Variants in XKR9 observed in about 807,000 individuals in gnomAD.
XKR9 encodes XK-related protein 9.
XKR9 carries 32 observed loss-of-function variants against 32.0 expected under a neutral mutation model. That is an observed-to-expected ratio of 1.00 (90% CI 0.76 to 1.34). The LOEUF is 1.34. XKR9 is among the 40% of genes most tolerant of loss of function. XKR9 has a pLI of 0.00. For missense variants in XKR9, 546 were observed against 429.7 expected (o/e 1.27, Z -2.39); for synonymous variants, 168 against 143.4 (o/e 1.17, Z -1.22).
the XKR9 span, among the ~76,000 whole-genome samples, chr8:70,846,141 G>T: frequency 9.9e-5 from 15 of 152,058 alleles, 1 homozygote; most frequent in South Asian, 2.5e-3. Context: ...AGAATAAGAT[G>T]ATATATTCAA....
chr8:71,005,860 A>G, the XKR9 span, among the ~76,000 whole-genome samples: 1 of 152,216 alleles, frequency 6.6e-6, no homozygotes, highest in Non-Finnish European at 1.5e-5. Flanking sequence ...CATTCTTGCT[A>G]ACTTCCAGAT....
chr8:71,019,241 G>A, the XKR9 span, among the ~76,000 whole-genome samples: 1 of 152,190 alleles, frequency 6.6e-6, no homozygotes, highest in South Asian at 2.1e-4. Context: ...GAAACTTGAG[G>A]TCTGTAGAAT....
chr8:70,855,449 C>T, the XKR9 span, among the ~76,000 whole-genome samples: 1 of 152,230 alleles, frequency 6.6e-6, no homozygotes, highest in East Asian at 1.9e-4. Context: ...AAGAAATGAA[C>T]AAAGCCTCCA....
chr8:71,031,409 ATTACT>A, the XKR9 span, among the ~76,000 whole-genome samples: 3 of 152,168 alleles, frequency 2.0e-5, no homozygotes, highest in African/African-American at 7.2e-5. Context: ...TTAATGATTC[ATTACT>A]TTACTGGGTT....
At chr8:71,030,370 G>A in the XKR9 span, among the ~76,000 whole-genome samples, 1 of 152,110 alleles carries the variant, frequency 6.6e-6, no homozygotes, top group Non-Finnish European at 1.5e-5. Flanking sequence ...CACTCTGGGA[G>A]CTGAGTAGGG....
chr8:71,016,628 CA>C, the XKR9 span, among the ~76,000 whole-genome samples: 30 of 152,342 alleles, frequency 2.0e-4, no homozygotes, highest in Admixed American at 2.0e-3. Flanking sequence ...TCCAGTTTGA[CA>C]CAAAACACAG....
intron 2 of XKR9, among the ~76,000 whole-genome samples, chr8:70,767,867 A>T (rs1807400110): frequency 6.6e-6 from 1 of 152,004 alleles, no homozygotes; most frequent in African/African-American, 2.4e-5. Flanking sequence ...AATCTTTTCA[A>T]AAATCCAGCT....
Position 70,735,925 on chromosome 8 carries a change from C to T in XKR9, c.*1501C>T, listed in dbSNP as rs1055875565. The T allele has an allele frequency of 2.0e-5, 3 of 151,776 alleles. No individual in the cohort carries two copies. The highest frequency in any genetic ancestry group is 2.1e-4 in the South Asian group (1 of 4,810). 9.4% of individuals were successfully genotyped at this position (151,776 alleles called of 1,614,324 possible). A position where few individuals can be genotyped will look rare whatever the true frequency, so the allele number is the denominator to read the frequency against. On this transcript the variant is annotated 3_prime_UTR_variant, in exon 5 of 5. Coordinates refer to ENST00000408926, the MANE Select transcript of XKR9 (RefSeq NM_001011720.2). ...TGTGAATAGTGCTGCAATAAACATA[C>T]GTGTGCATGTGTCTTTATAGCAGCA...
At chr8:70,918,768 C>CCTTTTT in the XKR9 span, among the ~76,000 whole-genome samples, 1 of 64,138 alleles carries the variant, frequency 1.6e-5, no homozygotes, top group Non-Finnish European at 3.0e-5. Context: ...TCATGGGATC[C>CCTTTTT]TTTTTTTTTT....
At chr8:71,034,327 A>G in the XKR9 span, among the ~76,000 whole-genome samples, 1 of 151,528 alleles carries the variant, frequency 6.6e-6, no homozygotes, top group Admixed American at 6.6e-5. Flanking sequence ...TCTCTCTCCT[A>G]CCCCCATGTA....
In XKR9 at chr8:70,681,195, G is replaced by C. The variant is rs1819068432; in HGVS notation, c.137G>C (p.Ser46Thr). ...GQYVFSALAL[S>T]FMLFGTLVAQ... ...TATGTTTTTAGTGCTTTAGCGTTAA[G>C]CTTTATGCTTTTTGGAACACTTGTG... The change falls in exon 3 of 5, where the codon AGC becomes ACC. Residue 46 changes from serine to threonine, a missense_variant. By Grantham distance (58) the Ser-to-Thr change is moderately conservative. Coordinates refer to ENST00000408926, the MANE Select transcript of XKR9 (RefSeq NM_001011720.2). 6.2e-7 allele frequency: 1 copy of C among 1,613,518 alleles called. No individual in the cohort carries two copies. The highest frequency in any genetic ancestry group is 1.7e-5 in the Admixed American group (1 of 59,990).
At chr8:70,811,187 A>C in the XKR9 span, among the ~76,000 whole-genome samples, 1 of 152,152 alleles carries the variant, frequency 6.6e-6, no homozygotes, top group Non-Finnish European at 1.5e-5. Flanking sequence ...CTCCTGAATG[A>C]CTACTGGGTA....
Position 70,694,545 on chromosome 8 carries a change from C to T in XKR9, c.273-12388C>T, listed in dbSNP as rs138586800. Among the ~76,000 whole-genome samples, 25 of 152,274 alleles carry T rather than the reference C, an allele frequency of 1.6e-4. No homozygotes were observed. In the East Asian group the frequency reaches 4.8e-3, roughly 29 times the overall value. On this transcript the variant is annotated intron_variant, in intron 3 of 4. Coordinates refer to ENST00000408926, the MANE Select transcript of XKR9 (RefSeq NM_001011720.2). ...GCAGTCTGGCCATGTTTTGATAGAG[C>T]GGCTGTGCTATGCTGTGGGAATCCC...
At chr8:70,773,683 C>T (rs911206351) in intron 2 of XKR9, among the ~76,000 whole-genome samples, 1 of 152,116 alleles carries the variant, frequency 6.6e-6, no homozygotes, top group Non-Finnish European at 1.5e-5. Flanking sequence ...GGGAAGTGTT[C>T]AGGGTCAAAA....
chr8:70,921,080 T>TAA, the XKR9 span, among the ~76,000 whole-genome samples: 3 of 152,300 alleles, frequency 2.0e-5, no homozygotes, highest in Admixed American at 2.0e-4. Flanking sequence ...GTTCCATACT[T>TAA]AATAAATGCA....
At chr8:71,050,215 G>C in the XKR9 span, among the ~76,000 whole-genome samples, 1 of 141,486 alleles carries the variant, frequency 7.1e-6, no homozygotes, top group Non-Finnish European at 1.5e-5. Flanking sequence ...TTTATATTTT[G>C]AAGTACTTAT....
At chr8:70,996,042 GA>G in the XKR9 span, among the ~76,000 whole-genome samples, 9 of 152,060 alleles carry the variant, frequency 5.9e-5, no homozygotes, top group East Asian at 1.9e-4. Context: ...TTGTGTAGGG[GA>G]AAAAAACAAA....
At chr8:70,753,070 T>G (rs1586883666) in intron 2 of XKR9, among the ~76,000 whole-genome samples, 1 of 152,236 alleles carries the variant, frequency 6.6e-6, no homozygotes, top group Middle Eastern at 3.4e-3. Context: ...CAATAAAAAA[T>G]GATAAAGGGG....
the XKR9 span, among the ~76,000 whole-genome samples, chr8:70,798,713 T>C: frequency 2.0e-5 from 3 of 152,174 alleles, no homozygotes; most frequent in Non-Finnish European, 2.9e-5. Flanking sequence ...CCTTCTTGAG[T>C]TAATTTTTGT....
Sources: allele counts gnomAD v4.1 joint callset (sites outside exome capture counted in the v4.1 genomes callset), GRCh38; gene constraint gnomAD v4.1.1; transcripts MANE v1.5; gene names NCBI Gene and HGNC (gene_info 2026-07-23, HGNC 2026-07-21).